The following FAT3 variants were observed in gnomAD, a reference collection of about 807,000 sequenced individuals.
FAT3 encodes protocadherin Fat 3.
Under a neutral mutation model 310.2 loss-of-function variants are expected in FAT3, and 95 were observed. The observed-to-expected ratio is 0.31, with a 90% CI of 0.26 to 0.36. The LOEUF (loss-of-function observed/expected upper bound fraction) is 0.36, where lower values mean the gene tolerates loss of function less well. Ranked by LOEUF, FAT3 falls within the 10% of genes least tolerant of loss-of-function variation. The probability of loss-of-function intolerance (pLI) is 1.00; values close to 1 mark genes in which losing one functional copy is unlikely to be tolerated. For synonymous variants in FAT3, 2,314 were observed against 2,192.9 expected, an observed-to-expected ratio of 1.06 and a Z score of -1.54; for missense variants, 5,408 against 5,715.6, an observed-to-expected ratio of 0.95 and a Z score of 1.74.
At chr11:92,828,394 T>C (rs2136249807) in intron 13 of FAT3, among the ~76,000 whole-genome samples, 1 of 152,268 alleles carries the variant, frequency 6.6e-6, no homozygotes, top group East Asian at 1.9e-4. Flanking sequence ...GCTACAAAAA[T>C]ATATCCTGCT....
At chr11:92,395,529 A>G (rs574855373) in intron 2 of FAT3, among the ~76,000 whole-genome samples, 43 of 151,020 alleles carry the variant, frequency 2.8e-4, no homozygotes, top group African/African-American at 1.0e-3. Context: ...CCTTTTTTGC[A>G]TGCCTTCTTT....
At chr11:92,407,729 T>C (rs1185791744) in intron 2 of FAT3, among the ~76,000 whole-genome samples, 2 of 152,232 alleles carry the variant, frequency 1.3e-5, no homozygotes, top group Non-Finnish European at 2.9e-5. Context: ...GATGTTCATC[T>C]GACACGTATT....
At chr11:92,819,715 A>C (rs1304486346) in intron 13 of FAT3, among the ~76,000 whole-genome samples, 1 of 152,220 alleles carries the variant, frequency 6.6e-6, no homozygotes, top group Non-Finnish European at 1.5e-5. Flanking sequence ...AATCTAGTGC[A>C]GTAGGTCTAA....
At chr11:92,640,704 T>G (rs1325925334) in intron 3 of FAT3, among the ~76,000 whole-genome samples, 1 of 152,214 alleles carries the variant, frequency 6.6e-6, no homozygotes, top group African/African-American at 2.4e-5. Context: ...CTCTTTCAGG[T>G]AGGCCAACTG....
At chr11:92,673,400 TTAGA>T (rs2135831794) in intron 3 of FAT3, among the ~76,000 whole-genome samples, 1 of 152,318 alleles carries the variant, frequency 6.6e-6, no homozygotes, top group Admixed American at 6.5e-5. Flanking sequence ...CTACATTGTA[TTAGA>T]TAGTGAGAAT....
intron 2 of FAT3, among the ~76,000 whole-genome samples, chr11:92,516,632 T>C (rs1303078467): frequency 6.6e-6 from 1 of 152,154 alleles, no homozygotes; most frequent in Admixed American, 6.6e-5. Context: ...TTGGAAGTTC[T>C]GGCCAGAGCA....
At chr11:92,785,905 G>A (rs1022069837) in intron 7 of FAT3, among the ~76,000 whole-genome samples, 1 of 152,096 alleles carries the variant, frequency 6.6e-6, no homozygotes, top group African/African-American at 2.4e-5. Context: ...AGAGAGCCTA[G>A]CCTTTCCAAA....
At chr11:92,254,265 A>G (rs1232145051) in intron 1 of FAT3, among the ~76,000 whole-genome samples, 3 of 152,178 alleles carry the variant, frequency 2.0e-5, no homozygotes, top group Non-Finnish European at 4.4e-5. Context: ...ACACCCAAAT[A>G]TGGACAATGA....
At chr11:92,688,626 G>A (rs1313023110) in intron 3 of FAT3, among the ~76,000 whole-genome samples, 3 of 151,978 alleles carry the variant, frequency 2.0e-5, no homozygotes, top group East Asian at 3.9e-4. Context: ...TGATTCCAGG[G>A]CACAGCCAAG....
Position 92,357,871 on chromosome 11 carries a change from T to TA in FAT3, c.3292+2474dup, listed in dbSNP as rs1440942118. Among the ~76,000 whole-genome samples the TA allele has an allele frequency of 2.5e-4, 38 of 151,864 alleles. No individual in the cohort carries two copies. The South Asian group carries it at 7.3e-3, about 29-fold the overall frequency. On this transcript the variant is annotated intron_variant, in intron 2 of 27. Transcript: ENST00000525166. The stretch of plus-strand genomic sequence containing the variant: ...ATTGTATTCTGAATTATATATATAT[T>TA]AAAAAAACTTTTATTGGTCAGTCAT...
chr11:92,640,341 T>C (rs977450975), intron 3 of FAT3, among the ~76,000 whole-genome samples: 6 of 152,122 alleles, frequency 3.9e-5, no homozygotes, highest in African/African-American at 1.4e-4. Context: ...CTGAACATGA[T>C]GTTTGCTTTT....
At chr11:92,537,918 G>A (rs1441356259) in intron 3 of FAT3, among the ~76,000 whole-genome samples, 1 of 152,056 alleles carries the variant, frequency 6.6e-6, no homozygotes, top group South Asian at 2.1e-4. Flanking sequence ...AAGCCTTTAG[G>A]TTGGGTAAGT....
At chr11:92,749,188 A>C (rs1261832835) in intron 4 of FAT3, 1 of 152,232 alleles carries the variant, frequency 6.6e-6, no homozygotes, top group Admixed American at 6.5e-5. Context: ...CATCTACTTT[A>C]AATGCAGTTC....
At chr11:92,236,840 T>C (rs917470504) in intron 1 of FAT3, among the ~76,000 whole-genome samples, 1 of 152,206 alleles carries the variant, frequency 6.6e-6, no homozygotes, top group Admixed American at 6.5e-5. Flanking sequence ...AGTTAGACTT[T>C]GGAGATCCTT....
chr11:92,392,164 G>T (rs544811348), intron 2 of FAT3, among the ~76,000 whole-genome samples: 1 of 152,052 alleles, frequency 6.6e-6, no homozygotes, highest in Admixed American at 6.6e-5. Flanking sequence ...ATGCACGCAC[G>T]CACACACGTT....
rs768967615 is a variant in FAT3, at chr11:92,798,314, A to G, written c.5301A>G (p.Pro1767=). ...TTGTTGATGAAAATGATAATGCCCC[A>G]GTTTTTCTCTTTTCTCAATACTCAG... ...IQIVDENDNA[P]VFLFSQYSGS... The change falls in exon 10 of 28, where the codon CCA becomes CCG. Residue 1767 remains proline, a synonymous_variant. Transcript: ENST00000525166. The G allele has an allele frequency of 6.2e-7, 1 of 1,613,832 alleles. No homozygotes were observed.
chr11:92,740,945 T>A (rs535045793), intron 4 of FAT3, among the ~76,000 whole-genome samples: 158 of 152,276 alleles, frequency 1.0e-3, no homozygotes, highest in Admixed American at 1.6e-3. Flanking sequence ...CTTTGGCAAT[T>A]TACCTCTTCC....
intron 19 of FAT3, among the ~76,000 whole-genome samples, chr11:92,853,531 G>C (rs6483193): frequency 6.6e-6 from 1 of 152,010 alleles, no homozygotes; most frequent in African/African-American, 2.4e-5. Context: ...CCCACCATTC[G>C]TCAGGTCCTG....
intron 4 of FAT3, among the ~76,000 whole-genome samples, chr11:92,751,748 G>T (rs12271146): frequency 0.028 from 4,337 of 152,184 alleles, 234 homozygotes; most frequent in African/African-American, 0.099. Flanking sequence ...ACGTGGGAAG[G>T]GAATTTTGAA....
Sources: allele counts gnomAD v4.1 joint callset (sites outside exome capture counted in the v4.1 genomes callset), GRCh38; gene constraint gnomAD v4.1.1; transcripts MANE v1.5; gene names NCBI Gene and HGNC (gene_info 2026-07-23, HGNC 2026-07-21).